ZRANB2: variants seen among roughly 807,000 people sequenced by gnomAD.
The protein encoded by ZRANB2 is zinc finger RANBP2-type containing 2, also known as zinc finger Ran-binding domain-containing protein 2.
ZRANB2 carries 19 observed loss-of-function variants against 53.4 expected under a neutral mutation model. That is an observed-to-expected ratio of 0.36 (90% CI 0.25 to 0.52). The LOEUF (loss-of-function observed/expected upper bound fraction) is 0.52. Ranked by LOEUF, ZRANB2 falls within the 20% of genes least tolerant of loss-of-function variation. The probability of loss-of-function intolerance (pLI) is 0.93; values close to 1 mark genes in which losing one functional copy is unlikely to be tolerated. For missense variants in ZRANB2, 309 were observed against 401.1 expected (o/e 0.77, Z 1.96); for synonymous variants, 145 against 134.8 (o/e 1.08, Z -0.52).
rs904736511 is a variant in ZRANB2, at chr1:71,081,023, C to T, written c.-28G>A. ...TGAACGCCACCAGCACAGCCACCCGCAGCTATGTCTTCACAGGAGGAAAAC... is the reference window on the plus strand; with the variant it reads ...TGAACGCCACCAGCACAGCCACCCGTAGCTATGTCTTCACAGGAGGAAAAC... On this transcript the variant is annotated 5_prime_UTR_variant, in exon 1 of 10. Transcript: ENST00000370920. The T allele has an allele frequency of 6.2e-7, 1 of 1,613,952 alleles. No individual in the cohort carries two copies. Among genetic ancestry groups the T allele is most frequent in the African/African-American group, 1.3e-5 (1 of 74,908 alleles).
At chr1:71,071,044 T>A in intron 6 of ZRANB2, 48 bp from the exon 7 acceptor site, 1 of 1,455,176 alleles carries the variant, frequency 6.9e-7, no homozygotes, top group Non-Finnish European at 9.1e-7. Flanking sequence ...TAGTGTTACC[T>A]ACCAGGAAAG....
At chr1:71,067,671 A>G in intron 8 of ZRANB2, 1 of 439,878 alleles carries the variant, frequency 2.3e-6, no homozygotes, top group South Asian at 1.7e-5. Flanking sequence ...GGCTTAAAAT[A>G]AAACCAGAAA....
At chr1:71,073,570 T>A (rs9970739) in intron 4 of ZRANB2, among the ~76,000 whole-genome samples, 28,891 of 151,890 alleles carry the variant, frequency 0.19, 2,958 homozygotes, top group Middle Eastern at 0.27. Flanking sequence ...TAATATAGCA[T>A]CTTTTCTTCA....
chr1:71,064,377 A>C lies in ZRANB2; in HGVS notation c.*697T>G, dbSNP rs1427106966. ...TGAGATGTCTTTATCAAGCAACCGT[A>C]TCAGCAGAGAAAAGATAAACTCTTA... On this transcript the variant is annotated 3_prime_UTR_variant, in exon 10 of 10. Transcript: ENST00000370920. 6.6e-6 allele frequency: 1 copy of C among 152,354 alleles called. No homozygotes were observed. Among genetic ancestry groups the C allele is most frequent in the Non-Finnish European group, 1.5e-5 (1 of 67,908 alleles). 9.4% of individuals were successfully genotyped at this position (152,354 alleles called of 1,614,324 possible).
chr1:71,072,267 C>A lies in ZRANB2; in HGVS notation c.379-12G>T, dbSNP rs764165019. 4.4e-6 allele frequency: 7 copies of A among 1,600,954 alleles called. No homozygotes were observed. The highest frequency in any genetic ancestry group is 6.0e-6 in the Non-Finnish European group (7 of 1,176,464). ...TTTTTACGTCCAAACTAGAGAAAAA[C>A]AATTTCAAAATGCTTGTCAGCTGAT... On this transcript the variant is annotated splice_polypyrimidine_tract_variant and intron_variant, in intron 5 of 9. Coordinates refer to ENST00000370920, the MANE Select transcript of ZRANB2 (RefSeq NM_203350.3).
intron 6 of ZRANB2, 130 bp from the exon 7 acceptor site, chr1:71,071,126 T>C (rs1326247412): frequency 1.3e-6 from 1 of 763,362 alleles, no homozygotes; most frequent in Non-Finnish European, 1.9e-6. Flanking sequence ...TAATTCTGAA[T>C]TCTAAAATTC....
At chr1:71,072,582 A>T in intron 4 of ZRANB2, 34 bp from the exon 5 acceptor site, 1 of 1,518,560 alleles carries the variant, frequency 6.6e-7, no homozygotes, top group South Asian at 1.2e-5. Context: ...TTACCCTATG[A>T]CAATTGATTT....
chr1:71,070,902 C>T lies in ZRANB2; in HGVS notation c.608G>A (p.Arg203His), dbSNP rs764184838. The change falls in exon 7 of 10, where the codon CGC becomes CAC. Residue 203 changes from arginine (R) to histidine (H), a missense_variant. Physicochemically the swap from Arg to His is conservative, Grantham distance 29. This residue lies in a region of ZRANB2 where 211 missense variants were observed against 196.1 expected (regional missense o/e 1.08). Coordinates refer to ENST00000370920, the MANE Select transcript of ZRANB2 (RefSeq NM_203350.3). The stretch of plus-strand genomic sequence containing the variant: ...TGAATGTGAAGATCGAGACTTTGAG[C>T]GACTTCGTCTATTAGATTTCTTTTT... ...SNKKKSNRRSRSKSRSSHSRS... is the reference protein window; with the variant it reads ...SNKKKSNRRSHSKSRSSHSRS... 2.0e-5 allele frequency: 33 copies of T among 1,611,010 alleles called. No homozygotes were observed. The highest frequency in any genetic ancestry group is 7.7e-5 in the South Asian group (7 of 90,712).
rs191385960 is a variant in ZRANB2 at position 71,068,926 on chromosome 1, T to C, written c.770+350A>G. Among the ~76,000 whole-genome samples the C allele has an allele frequency of 4.0e-3, 606 of 152,106 alleles. 2 individuals carry two copies. Among genetic ancestry groups the C allele is most frequent in the Middle Eastern group, 0.01 (3 of 294 alleles). Reference sequence around the variant, plus strand: ...ACCTCAGCTTCCCAAAGTGCTGGGATTATAGGCATGAATCACTGTGCCTGG... The same window carrying C: ...ACCTCAGCTTCCCAAAGTGCTGGGACTATAGGCATGAATCACTGTGCCTGG... On this transcript the variant is annotated intron_variant, in intron 8 of 9. Transcript: ENST00000370920.
chr1:71,078,750 T>C, intron 1 of ZRANB2, 42 bp from the exon 2 acceptor site: 1 of 1,550,830 alleles, frequency 6.4e-7, no homozygotes, highest in South Asian at 1.1e-5. Context: ...TTTAAATTTG[T>C]AAAATTTTAC....
chr1:71,078,316 G>C, intron 3 of ZRANB2, 141 bp downstream of exon 3: 1 of 680,842 alleles, frequency 1.5e-6, no homozygotes, highest in Non-Finnish European at 2.5e-6. Flanking sequence ...TATACTTAAA[G>C]ATGAGACTGA....
intron 7 of ZRANB2, chr1:71,069,594 T>A (rs528401340): frequency 3.3e-6 from 1 of 303,728 alleles, no homozygotes; most frequent in Non-Finnish European, 6.1e-6. Context: ...CACTCAACTA[T>A]AAAACAAAAC....
At chr1:71,065,266 T>C in intron 9 of ZRANB2, 129 bp from the exon 10 acceptor site, 1 of 647,096 alleles carries the variant, frequency 1.5e-6, no homozygotes. Flanking sequence ...AAAATTGAGA[T>C]AGGAACTTAC....
Position 71,069,381 on chromosome 1 carries a change from A to G in ZRANB2, c.684-19T>C. 10 of 1,528,008 alleles carry G rather than the reference A, an allele frequency of 6.5e-6. No homozygotes were observed. Among genetic ancestry groups the G allele is most frequent in the Non-Finnish European group, 8.9e-6 (10 of 1,120,106 alleles). 94.7% of individuals were successfully genotyped at this position (1,528,008 alleles called of 1,614,324 possible). ...ACGGGACCTGGAACAACATGGAACG[A>G]TTTTTTTTTTCCAGGACCATTTAAT... On this transcript the variant is annotated intron_variant, in intron 7 of 9. Transcript: ENST00000370920.
intron 7 of ZRANB2, among the ~76,000 whole-genome samples, chr1:71,070,216 C>T (rs768061503): frequency 2.0e-5 from 3 of 151,986 alleles, no homozygotes; most frequent in African/African-American, 4.8e-5. Context: ...TGCTTTCACT[C>T]ACCTAAAATT....
chr1:71,063,709 A>G lies in ZRANB2; in HGVS notation c.*1365T>C, dbSNP rs1661356303. On this transcript the variant is annotated 3_prime_UTR_variant, in exon 10 of 10. Coordinates refer to ENST00000370920, the MANE Select transcript of ZRANB2 (RefSeq NM_203350.3). The stretch of plus-strand genomic sequence containing the variant: ...AAAAATATTATCAAAATATTTCTAC[A>G]TAAGATATCTTGCTTTCATTTTTAG... 6.6e-6 allele frequency: 1 copy of G among 152,446 alleles called. No individual in the cohort carries two copies. The highest frequency in any genetic ancestry group is 1.5e-5 in the Non-Finnish European group (1 of 67,882). The allele number at this position is 152,446 out of a possible 1,614,324, so 9.4% of individuals were successfully genotyped here. A position where few individuals can be genotyped will look rare whatever the true frequency, so the allele number is the denominator to read the frequency against.
intron 4 of ZRANB2, among the ~76,000 whole-genome samples, chr1:71,073,715 C>G (rs902046626): frequency 6.6e-5 from 10 of 151,704 alleles, no homozygotes; most frequent in Admixed American, 6.6e-4. Flanking sequence ...ATGGAAAGCT[C>G]AAAAATATAG....
intron 3 of ZRANB2, among the ~76,000 whole-genome samples, chr1:71,077,436 TA>T (rs1285635791): frequency 2.6e-5 from 4 of 152,224 alleles, no homozygotes; most frequent in African/African-American, 9.7e-5. Context: ...AATATTAATT[TA>T]TTTTTTTGAG....
rs1573065286 is a variant in ZRANB2, at chr1:71,080,826, C to T, written c.56+114G>A. ...TCCCGCCAGGGAACTGGCGGTTCGC[C>T]GCCTCAACCCGTCTTAAGGCACAGA... On this transcript the variant is annotated intron_variant, in intron 1 of 9. Coordinates refer to ENST00000370920, the MANE Select transcript of ZRANB2 (RefSeq NM_203350.3). 3 of 1,253,172 alleles carry T rather than the reference C, an allele frequency of 2.4e-6. No individual in the cohort carries two copies. In the East Asian group the frequency reaches 7.0e-5, roughly 29 times the overall value. The allele number at this position is 1,253,172 out of a possible 1,614,324, so 77.6% of individuals were successfully genotyped here.
Sources: allele counts gnomAD v4.1 joint callset (sites outside exome capture counted in the v4.1 genomes callset), GRCh38; gene constraint gnomAD v4.1.1; regional missense constraint gnomAD v4.1.1; transcripts MANE v1.5; gene names NCBI Gene and HGNC (gene_info 2026-07-23, HGNC 2026-07-21).